The following WWP2 variants were observed in gnomAD, a reference collection of about 807,000 sequenced individuals.
WWP2 encodes WW domain containing E3 ubiquitin protein ligase 2, also known as NEDD4-like E3 ubiquitin-protein ligase WWP2.
WWP2 carries 57 observed loss-of-function variants against 121.0 expected under a neutral mutation model. The ratio of observed to expected loss-of-function variants is 0.47; its 90% confidence interval spans 0.38 to 0.59. The LOEUF is 0.59. Among genes scored for constraint, WWP2 ranks in the 20% least tolerant of loss-of-function variants. The pLI, the probability that WWP2 is intolerant of heterozygous loss-of-function variation, is 0.00. For missense variants in WWP2, 962 were observed against 1,158.9 expected (o/e 0.83, Z 2.47); for synonymous variants, 449 against 441.3 (o/e 1.02, Z -0.22).
intron 4 of WWP2, among the ~76,000 whole-genome samples, chr16:69,801,277 G>A (rs2056160393): frequency 6.6e-6 from 1 of 150,530 alleles, no homozygotes; most frequent in African/African-American, 2.4e-5. Context: ...TGTCACTCAG[G>A]CTGGAGTGCA....
At chr16:69,936,129 TG>T in intron 18 of WWP2, 143 bp downstream of exon 18, 1 of 1,445,308 alleles carries the variant, frequency 6.9e-7, no homozygotes, top group Non-Finnish European at 9.4e-7. Context: ...TGGAGAGGAA[TG>T]TCCTCTGGGT....
intron 4 of WWP2, among the ~76,000 whole-genome samples, chr16:69,837,873 T>C (rs1398553223): frequency 6.6e-6 from 1 of 152,008 alleles, no homozygotes; most frequent in Non-Finnish European, 1.5e-5. Context: ...GATTCTGTGG[T>C]CACAGCCCAA....
At chr16:69,837,993 T>C (rs1441673332) in intron 4 of WWP2, among the ~76,000 whole-genome samples, 1 of 151,690 alleles carries the variant, frequency 6.6e-6, no homozygotes, top group African/African-American at 2.4e-5. Context: ...GAGGCCAAGG[T>C]GGGAGGATTG....
At chr16:69,861,609 C>G (rs1478220945) in intron 6 of WWP2, among the ~76,000 whole-genome samples, 3 of 150,486 alleles carry the variant, frequency 2.0e-5, no homozygotes, top group Non-Finnish European at 2.9e-5. Context: ...CTAATTGTGC[C>G]TTTCCCGGTT....
intron 18 of WWP2, 64 bp from the exon 19 acceptor site, chr16:69,936,248 A>G: frequency 6.2e-7 from 1 of 1,607,814 alleles, no homozygotes; most frequent in East Asian, 2.2e-5. Context: ...CGGGCAACAG[A>G]GCAGGATCCA....
At chr16:69,866,304 T>TTATG (rs2057523724) in intron 6 of WWP2, among the ~76,000 whole-genome samples, 1 of 132,622 alleles carries the variant, frequency 7.5e-6, no homozygotes, top group Non-Finnish European at 1.7e-5. Flanking sequence ...ATTTATTTAT[T>TTATG]TATTTATTTA....
At chr16:69,778,198 T>A (rs1478670198) in intron 1 of WWP2, among the ~76,000 whole-genome samples, 1 of 146,660 alleles carries the variant, frequency 6.8e-6, no homozygotes, top group Non-Finnish European at 1.5e-5. Context: ...ATATATTTTT[T>A]TTTTTTTGAG....
At chr16:69,819,609 T>C (rs2056557303) in intron 4 of WWP2, among the ~76,000 whole-genome samples, 1 of 152,212 alleles carries the variant, frequency 6.6e-6, no homozygotes, top group Non-Finnish European at 1.5e-5. Flanking sequence ...GATCTCACTA[T>C]GTTGACTAGG....
chr16:69,845,911 ATGG>A (rs377471067), intron 6 of WWP2, among the ~76,000 whole-genome samples: 58,544 of 151,098 alleles, frequency 0.39, 11,497 homozygotes, highest in Admixed American at 0.49. Flanking sequence ...TTAGCCAGGC[ATGG>A]TGGTGTGTGC....
chr16:69,826,428 C>T (rs1047975381), intron 4 of WWP2, among the ~76,000 whole-genome samples: 1 of 151,096 alleles, frequency 6.6e-6, no homozygotes, highest in Non-Finnish European at 1.5e-5. Flanking sequence ...AAAAATTAGC[C>T]GGGCGTGATG....
At position 69,798,723 on chromosome 16, in the gene WWP2, A is replaced by T. The variant is rs892638537; in HGVS notation, c.112A>T (p.Ile38Phe). ...KPKVHNRQPR[I>F]NSYVEVAVDG... ...CAAGGTGCATAATCGTCAACCTCGAATTAACTCCTACGTGGAGGTGGCGGT... is the reference window on the plus strand; with the variant it reads ...CAAGGTGCATAATCGTCAACCTCGATTTAACTCCTACGTGGAGGTGGCGGT... Residue 38 changes from isoleucine to phenylalanine, a missense_variant, in exon 3 of 24, where the codon ATT (isoleucine) becomes TTT (phenylalanine). Physicochemically the swap from Ile to Phe is conservative, Grantham distance 21. This residue lies in a region of WWP2 where 145 missense variants were observed against 189.8 expected (regional missense o/e 0.76). Coordinates refer to ENST00000359154, the MANE Select transcript of WWP2 (RefSeq NM_001270454.2). 6.2e-7 allele frequency: 1 copy of T among 1,614,104 alleles called. No individual in the cohort carries two copies. Among genetic ancestry groups the T allele is most frequent in the Non-Finnish European group, 8.5e-7 (1 of 1,180,022 alleles).
intron 4 of WWP2, among the ~76,000 whole-genome samples, chr16:69,825,842 G>C (rs1250253825): frequency 6.6e-6 from 1 of 151,976 alleles, no homozygotes; most frequent in African/African-American, 2.4e-5. Flanking sequence ...GCCCAGGCTG[G>C]TCTCAAACTG....
At chr16:69,797,223 G>A (rs1259867095) in intron 2 of WWP2, among the ~76,000 whole-genome samples, 1 of 152,206 alleles carries the variant, frequency 6.6e-6, no homozygotes, top group Admixed American at 6.5e-5. Context: ...CATCAGAATT[G>A]TTGCCACATG....
rs7197699 is a variant in WWP2 at position 69,813,656 on chromosome 16, C to T, written c.340+14361C>T. On this transcript the variant is annotated intron_variant, in intron 4 of 23. Transcript: ENST00000359154. ...TTTATTTTTTGTATTTTTGTAGAGA[C>T]AGGGTTTCACCATGTTGCCCAAGGC... Among the ~76,000 whole-genome samples the T allele has an allele frequency of 5.5e-3, 839 of 152,120 alleles. 7 individuals carry two copies. The highest frequency in any genetic ancestry group is 0.019 in the African/African-American group (790 of 41,530).
At chr16:69,841,365 A>G (rs961923716) in intron 5 of WWP2, among the ~76,000 whole-genome samples, 8 of 152,128 alleles carry the variant, frequency 5.3e-5, no homozygotes, top group South Asian at 4.1e-4. Flanking sequence ...GGAAGCTGAG[A>G]CTTGGAGGAT....
At chr16:69,913,052 T>C (rs2058424420) in intron 9 of WWP2, among the ~76,000 whole-genome samples, 1 of 118,678 alleles carries the variant, frequency 8.4e-6, no homozygotes, top group Non-Finnish European at 1.7e-5. Context: ...AGACAGAATT[T>C]TTGCTCTCGT....
intron 1 of WWP2, among the ~76,000 whole-genome samples, chr16:69,777,855 T>C (rs1444293682): frequency 6.6e-6 from 1 of 150,398 alleles, no homozygotes; most frequent in South Asian, 2.1e-4. Flanking sequence ...TTGCCTGAGC[T>C]CAAGAGTTCC....
chr16:69,780,246 G>A (rs1050236619), intron 1 of WWP2, among the ~76,000 whole-genome samples: 1 of 148,384 alleles, frequency 6.7e-6, no homozygotes, highest in Non-Finnish European at 1.5e-5. Flanking sequence ...TACTAAGGCT[G>A]CCACTTGCCT....
chr16:69,848,722 G>A (rs2057138840), intron 6 of WWP2, among the ~76,000 whole-genome samples: 1 of 151,264 alleles, frequency 6.6e-6, no homozygotes. Context: ...ATGTATTTAA[G>A]CTATTTTGTT....
Sources: allele counts gnomAD v4.1 joint callset (sites outside exome capture counted in the v4.1 genomes callset), GRCh38; gene constraint gnomAD v4.1.1; regional missense constraint gnomAD v4.1.1; transcripts MANE v1.5; gene names NCBI Gene and HGNC (gene_info 2026-07-23, HGNC 2026-07-21).